The following SSH2 variants were observed in gnomAD, a reference collection of about 807,000 sequenced individuals.
The protein encoded by SSH2 is protein phosphatase Slingshot homolog 2.
A neutral mutation model predicts 135.2 loss-of-function variants in SSH2; 37 were observed. The ratio of observed to expected loss-of-function variants is 0.27; its 90% CI spans 0.21 to 0.36. The LOEUF (loss-of-function observed/expected upper bound fraction) is 0.36. Among genes scored for constraint, SSH2 ranks in the 10% least tolerant of loss-of-function variants. SSH2 has a pLI of 1.00. For missense variants in SSH2, 1,408 were observed against 1,765.3 expected (o/e 0.80, Z 3.63); for synonymous variants, 628 against 646.2 (o/e 0.97, Z 0.43).
chr17:29,642,809 CA>C (rs895742785), intron 14 of SSH2, among the ~76,000 whole-genome samples: 3 of 152,162 alleles, frequency 2.0e-5, no homozygotes, highest in Non-Finnish European at 2.9e-5. Context: ...AACCAATTCA[CA>C]AATCAGTACA....
At chr17:29,706,874 C>A (rs1223706820) in intron 3 of SSH2, among the ~76,000 whole-genome samples, 1 of 152,134 alleles carries the variant, frequency 6.6e-6, no homozygotes, top group Non-Finnish European at 1.5e-5. Flanking sequence ...AACTTCCTGG[C>A]CGGGCGCAGT....
intron 3 of SSH2, among the ~76,000 whole-genome samples, chr17:29,738,194 T>C (rs913703202): frequency 6.6e-6 from 1 of 152,208 alleles, no homozygotes; most frequent in Admixed American, 6.5e-5. Context: ...TTTCTGTCCT[T>C]GTGATAGTTT....
chr17:29,761,516 G>C, intron 3 of SSH2: 1 of 843,184 alleles, frequency 1.2e-6, no homozygotes, highest in Non-Finnish European at 1.4e-6. Flanking sequence ...AGGCCCGGCC[G>C]GCGCCCCGCC....
At chr17:29,888,420 C>A (rs2066280831) in intron 1 of SSH2, among the ~76,000 whole-genome samples, 1 of 152,152 alleles carries the variant, frequency 6.6e-6, no homozygotes, top group South Asian at 2.1e-4. Context: ...CAGTGTATTT[C>A]TTTCCCACTG....
rs1355459615 is a variant in SSH2 at position 29,636,072 on chromosome 17, C to A, written c.2158G>T (p.Glu720Ter). Residue 720 changes from glutamate to a stop codon, truncating the protein, a stop_gained, in exon 15 of 16, where the codon GAA (glutamate) becomes TAA (stop). Transcript: ENST00000540801. LOFTEE classifies it high-confidence loss of function. ...RNESCRLSVV[E>*]VAPSKVTADD... ...GCTGTCACTTTGGAAGGGGCTACTTCTACCACTGACAGTCGACAGCTCTCA... is the reference window on the plus strand; with the variant it reads ...GCTGTCACTTTGGAAGGGGCTACTTATACCACTGACAGTCGACAGCTCTCA... 1 of 1,614,224 alleles carries A rather than the reference C, an allele frequency of 6.2e-7. No homozygotes were observed. The highest frequency in any genetic ancestry group is 1.7e-5 in the Admixed American group (1 of 60,026).
intron 9 of SSH2, among the ~76,000 whole-genome samples, chr17:29,671,338 C>G (rs1442538686): frequency 6.6e-6 from 1 of 151,976 alleles, no homozygotes; most frequent in East Asian, 1.9e-4. Flanking sequence ...TAAAAATTAG[C>G]CAGGTGTGGT....
At chr17:29,638,100 C>T (rs527772828) in intron 14 of SSH2, among the ~76,000 whole-genome samples, 3 of 151,904 alleles carry the variant, frequency 2.0e-5, no homozygotes, top group Middle Eastern at 3.4e-3. Flanking sequence ...GGTGACACAG[C>T]GAGACTCCAT....
rs28706109 is a variant in SSH2, at chr17:29,895,718, A to G, written c.63+34220T>C. Among the ~76,000 whole-genome samples, 43 of 123,762 alleles carry G rather than the reference A, an allele frequency of 3.5e-4. 1 individual carries two copies. The highest frequency in any genetic ancestry group is 4.1e-4 in the Non-Finnish European group (25 of 60,976). 81.2% of individuals were successfully genotyped at this position (123,762 alleles called of 152,430 possible). On this transcript the variant is annotated intron_variant, in intron 1 of 15. Transcript: ENST00000540801. ...ATTTTATATATGAAATATATAAAAT[A>G]TATTTTATATACACATTTCATATAT...
At chr17:29,775,592 T>C (rs954628279) in intron 3 of SSH2, among the ~76,000 whole-genome samples, 132 of 152,324 alleles carry the variant, frequency 8.7e-4, no homozygotes, top group Middle Eastern at 3.4e-3. Context: ...CTTTTATTTG[T>C]AGGTTCTGGT....
intron 1 of SSH2, among the ~76,000 whole-genome samples, chr17:29,899,390 A>C (rs2066504401): frequency 6.6e-6 from 1 of 152,200 alleles, no homozygotes; most frequent in Non-Finnish European, 1.5e-5. Context: ...CCATCGTCTC[A>C]GCCCAAAATC....
intron 2 of SSH2, among the ~76,000 whole-genome samples, chr17:29,809,933 A>G (rs1192915822): frequency 1.3e-5 from 2 of 152,062 alleles, no homozygotes; most frequent in Admixed American, 1.3e-4. Flanking sequence ...ACTGGGTTCC[A>G]CGGTCTTTCC....
chr17:29,728,729 T>C (rs1241289190), intron 3 of SSH2, among the ~76,000 whole-genome samples: 2 of 152,010 alleles, frequency 1.3e-5, no homozygotes, highest in African/African-American at 4.8e-5. Flanking sequence ...TAACACAGAA[T>C]CCAGGAATAA....
intron 3 of SSH2, chr17:29,793,655 A>G: frequency 2.9e-6 from 1 of 344,590 alleles, no homozygotes. Context: ...TAAAAAACGG[A>G]GGAAGGTCCT....
chr17:29,715,870 C>T (rs924248698), intron 3 of SSH2, among the ~76,000 whole-genome samples: 2 of 152,116 alleles, frequency 1.3e-5, no homozygotes, highest in African/African-American at 2.4e-5. Context: ...CTTGACTCAG[C>T]GGGGCACTTA....
In SSH2 at chr17:29,648,242, G is replaced by A. The variant is rs372652438; in HGVS notation, c.1329C>T (p.Asp443=). 193 of 1,614,022 alleles carry A rather than the reference G, an allele frequency of 1.2e-4. No homozygotes were observed. Among genetic ancestry groups the A allele is most frequent in the Non-Finnish European group, 1.5e-4 (180 of 1,180,040 alleles). Residue 443 remains aspartate (D), a synonymous_variant, in exon 14 of 16, where the codon GAC becomes GAT. Coordinates refer to ENST00000540801, the MANE Select transcript of SSH2 (RefSeq NM_001282129.2). ...YAMKEYGWNL[D]RAYDYVKERR... ...TTTCTTTCACATAGTCATAGGCTCG[G>A]TCCAGATTCCAGCCATATTCCTTCA... is the stretch of plus-strand genomic sequence containing the variant.
At chr17:29,928,703 A>C in intron 1 of SSH2, 1 of 395,754 alleles carries the variant, frequency 2.5e-6, no homozygotes, top group Non-Finnish European at 4.4e-6. Flanking sequence ...AACCATACAC[A>C]ACAAAACTTT....
At chr17:29,723,370 T>C (rs2151171565) in intron 3 of SSH2, among the ~76,000 whole-genome samples, 1 of 152,348 alleles carries the variant, frequency 6.6e-6, no homozygotes, top group Admixed American at 6.5e-5. Flanking sequence ...TAGGCCTATA[T>C]TGTTTGCTCT....
chr17:29,745,309 A>G (rs2244592), intron 3 of SSH2, among the ~76,000 whole-genome samples: 89,992 of 151,754 alleles, frequency 0.59, 28,464 homozygotes, highest in African/African-American at 0.81. Context: ...ACAGGCGCCC[A>G]TCACCACACC....
At chr17:29,867,191 G>A (rs1011737182) in intron 1 of SSH2, among the ~76,000 whole-genome samples, 6 of 152,122 alleles carry the variant, frequency 3.9e-5, no homozygotes, top group African/African-American at 1.4e-4. Context: ...GTAACAGCAG[G>A]CTGGCAAAAC....
Sources: gnomAD v4.1 joint callset for allele counts (sites outside exome capture counted in the v4.1 genomes callset) on GRCh38, gnomAD v4.1.1 for gene constraint, MANE v1.5 for transcripts, NCBI Gene and HGNC (gene_info 2026-07-23, HGNC 2026-07-21) for gene names.